Variants in CIT observed in about 807,000 individuals in gnomAD.
CIT encodes the protein citron rho-interacting serine/threonine kinase, also known as citron Rho-interacting kinase.
CIT carries 79 observed loss-of-function variants against 272.7 expected under a neutral mutation model. The observed-to-expected ratio is 0.29, with a 90% CI of 0.24 to 0.35. CIT has a LOEUF of 0.35. Ranked by LOEUF, CIT falls within the 10% of genes least tolerant of loss-of-function variation. The pLI is 1.00. For synonymous variants in CIT, 948 were observed against 995.6 expected (o/e 0.95, Z 0.90); for missense variants, 1,909 against 2,618.3 (o/e 0.73, Z 5.91).
intron 37 of CIT, among the ~76,000 whole-genome samples, chr12:119,711,744 C>T (rs1052992373): frequency 4.6e-5 from 7 of 152,190 alleles, no homozygotes; most frequent in Non-Finnish European, 1.0e-4. Context: ...CAGCCTCAAA[C>T]TCCTGGGCAA....
At chr12:119,769,186 C>G (rs192111442) in intron 18 of CIT, among the ~76,000 whole-genome samples, 1 of 150,936 alleles carries the variant, frequency 6.6e-6, no homozygotes, top group South Asian at 2.1e-4. Flanking sequence ...ACTTTAAGAC[C>G]AAATTTCTGG....
chr12:119,848,164 G>A (rs112571151), intron 5 of CIT, among the ~76,000 whole-genome samples: 22 of 152,292 alleles, frequency 1.4e-4, no homozygotes, highest in East Asian at 5.8e-4. Context: ...CTGAAGGCAC[G>A]TGTGGTCAGT....
chr12:119,768,682 T>C lies in CIT; in HGVS notation c.2209-1500A>G, dbSNP rs564834476. On this transcript the variant is annotated intron_variant, in intron 18 of 47. Transcript: ENST00000392521. This position sits in a 1 kb window ranked among gnomAD's most constrained non-coding sequence, Gnocchi z 4.3. Reference sequence around the variant, plus strand: ...AGATGTGATCTTGAAGAGTTGAAAATAAACAGGATTAATAAAAACATATTT... The same window carrying C: ...AGATGTGATCTTGAAGAGTTGAAAACAAACAGGATTAATAAAAACATATTT... Among the ~76,000 whole-genome samples, 1 of 152,298 alleles carries C rather than the reference T, an allele frequency of 6.6e-6. No individual in the cohort carries two copies. Among genetic ancestry groups the C allele is most frequent in the East Asian group, 1.9e-4 (1 of 5,192 alleles).
chr12:119,706,356 G>T (rs905330455), intron 40 of CIT, among the ~76,000 whole-genome samples: 1 of 152,104 alleles, frequency 6.6e-6, no homozygotes. Flanking sequence ...CATGTCATGG[G>T]GGTTTGTTGT....
chr12:119,737,915 A>C (rs1455733405), intron 24 of CIT, among the ~76,000 whole-genome samples: 1 of 152,232 alleles, frequency 6.6e-6, no homozygotes, highest in African/African-American at 2.4e-5. Context: ...ACACCCACAC[A>C]CACACACATA....
At chr12:119,797,325 T>C (rs913575115) in intron 10 of CIT, among the ~76,000 whole-genome samples, 1 of 152,218 alleles carries the variant, frequency 6.6e-6, no homozygotes, top group African/African-American at 2.4e-5. Flanking sequence ...GGAATGGTCC[T>C]GCCAGGGCTG....
rs533500368 is a variant in CIT, at chr12:119,770,124, G to T, written c.2208+661C>A. 2.2e-4 allele frequency among the ~76,000 whole-genome samples: 34 copies of T among 152,170 alleles called. No individual in the cohort carries two copies. Among genetic ancestry groups the T allele is most frequent in the Non-Finnish European group, 4.0e-4 (27 of 68,040 alleles). ...AAAGGTGCTGTCTTCCACCCTGGCA[G>T]GGGCAAAACGTCAACACATCTGCAA... On this transcript the variant is annotated intron_variant, in intron 18 of 47. Transcript: ENST00000392521. The surrounding 1 kb of genome is among the most constrained non-coding windows in gnomAD (Gnocchi z 4.4).
intron 9 of CIT, among the ~76,000 whole-genome samples, chr12:119,820,281 T>C (rs1967581792): frequency 6.6e-6 from 1 of 152,212 alleles, no homozygotes; most frequent in South Asian, 2.1e-4. Flanking sequence ...CTGGGTGCGG[T>C]GGCTCATGTC....
intron 9 of CIT, among the ~76,000 whole-genome samples, chr12:119,805,726 A>G (rs1966555263): frequency 6.6e-6 from 1 of 152,256 alleles, no homozygotes; most frequent in Non-Finnish European, 1.5e-5. Flanking sequence ...AATAATTATG[A>G]TTTTGAAATC....
rs1019506940 is a variant in CIT, at chr12:119,736,123, A to G, written c.2959-766T>C. ...TTTAGCTTTCCTATTCTCTTTGCTG[A>G]GATTTAGTATTATGGCTTGCAGAGA... On this transcript the variant is annotated intron_variant, in intron 24 of 47. Transcript: ENST00000392521. Among the ~76,000 whole-genome samples the G allele has an allele frequency of 2.6e-5, 4 of 152,316 alleles. No individual in the cohort carries two copies. The East Asian group carries it at 7.7e-4, about 29-fold the overall frequency.
rs748313870 is a variant in CIT, at chr12:119,712,695, G to C, written c.4580C>G (p.Ala1527Gly). ...AAATTCTTCCACCGGCCTCTGTCCA[G>C]CTTGGTGCAAAGAGGAAGGGCAGAA... ...VLIYDNEARE[A>G]GQRPVEEFEL... The change falls in exon 36 of 48, where the codon GCT becomes GGT. Residue 1527 changes from alanine (A) to glycine (G), a missense_variant and splice_region_variant. Ala to Gly is a moderately conservative substitution (Grantham distance 60). This residue lies in a region of CIT where 780 missense variants were observed against 1,067.2 expected (regional missense o/e 0.73). Transcript: ENST00000392521. The surrounding 1 kb of genome is among the most constrained non-coding windows in gnomAD (Gnocchi z 5.2). 6.2e-7 allele frequency: 1 copy of C among 1,613,398 alleles called. No individual in the cohort carries two copies. Among genetic ancestry groups the C allele is most frequent in the East Asian group, 2.2e-5 (1 of 44,884 alleles).
intron 9 of CIT, among the ~76,000 whole-genome samples, chr12:119,809,106 G>C (rs1966759299): frequency 1.3e-5 from 2 of 152,166 alleles, no homozygotes; most frequent in African/African-American, 4.8e-5. Flanking sequence ...CTGGAGTGGG[G>C]AAAAGTGCTA....
At chr12:119,794,552 G>A (rs968528802) in intron 10 of CIT, among the ~76,000 whole-genome samples, 1 of 152,166 alleles carries the variant, frequency 6.6e-6, no homozygotes, top group African/African-American at 2.4e-5. Flanking sequence ...TCTAGGCTGG[G>A]AACATGCACA....
chr12:119,716,471 G>T (rs1485116990), intron 32 of CIT, among the ~76,000 whole-genome samples: 1 of 145,180 alleles, frequency 6.9e-6, no homozygotes, highest in African/African-American at 2.6e-5. Context: ...AATGACTTCA[G>T]GCTAAAGAAA....
chr12:119,862,832 A>AAAAAAAAAAAAAAAAAAAAAAG (rs1950390006), intron 3 of CIT, among the ~76,000 whole-genome samples: 2 of 135,564 alleles, frequency 1.5e-5, no homozygotes, highest in African/African-American at 6.2e-5. Context: ...AAAAAAAAAA[A>AAAAAAAAAAAAAAAAAAAAAAG]AAAAAAAAGA....
At position 119,710,655 on chromosome 12, in the gene CIT, C is replaced by T; in HGVS notation, c.4855-35G>A. 6.3e-7 allele frequency: 1 copy of T among 1,576,958 alleles called. No homozygotes were observed. The highest frequency in any genetic ancestry group is 1.1e-5 in the South Asian group (1 of 90,408). ...GGTGAAAGAAAAGAAAAACAGAAGA[C>T]ATCGTGAGGCTGATCTGTTTATGAC... On this transcript the variant is annotated intron_variant, in intron 37 of 47. Coordinates refer to ENST00000392521, the MANE Select transcript of CIT (RefSeq NM_001206999.2). The surrounding 1 kb of genome is among the most constrained non-coding windows in gnomAD (Gnocchi z 5.6).
intron 10 of CIT, among the ~76,000 whole-genome samples, chr12:119,786,171 A>G (rs1444523248): frequency 6.6e-6 from 1 of 152,150 alleles, no homozygotes; most frequent in African/African-American, 2.4e-5. Flanking sequence ...TGAGGCCCAG[A>G]GAGGTTACGT....
At chr12:119,722,399 T>C (rs1047738968) in intron 28 of CIT, among the ~76,000 whole-genome samples, 2 of 152,186 alleles carry the variant, frequency 1.3e-5, no homozygotes, top group Admixed American at 1.3e-4. Flanking sequence ...AAAAGGCCTA[T>C]GGCAGCCCCC....
intron 4 of CIT, among the ~76,000 whole-genome samples, chr12:119,854,008 G>A (rs201608467): frequency 6.6e-6 from 1 of 152,078 alleles, no homozygotes; most frequent in East Asian, 1.9e-4. Flanking sequence ...GCAACATAGG[G>A]AGATCCCACC....
Sources: allele counts gnomAD v4.1 joint callset (sites outside exome capture counted in the v4.1 genomes callset), GRCh38; gene constraint gnomAD v4.1.1; regional missense constraint gnomAD v4.1.1; non-coding constraint Gnocchi (gnomAD v3.1); transcripts MANE v1.5; gene names NCBI Gene and HGNC (gene_info 2026-07-23, HGNC 2026-07-21).